DPY19L2: variants seen among roughly 807,000 people sequenced by gnomAD.
DPY19L2 encodes the protein dpy-19 like 2.
DPY19L2 carries 34 observed loss-of-function variants against 97.9 expected under a neutral mutation model. The ratio of observed to expected loss-of-function variants is 0.35; its 90% confidence interval spans 0.26 to 0.46. DPY19L2 has a LOEUF of 0.46. Among genes scored for constraint, DPY19L2 ranks in the 20% least tolerant of loss-of-function variants. The pLI, the probability that DPY19L2 is intolerant of heterozygous loss-of-function variation, is 1.00. For missense variants in DPY19L2, 623 were observed against 911.4 expected (o/e 0.68, Z 4.07); for synonymous variants, 230 against 307.9 (o/e 0.75, Z 2.65).
At position 63,566,816 on chromosome 12, in the gene DPY19L2, T is replaced by C. The variant is rs189710000; in HGVS notation, c.2126+2408A>G. On this transcript the variant is annotated intron_variant, in intron 21 of 21. Coordinates refer to ENST00000324472, the MANE Select transcript of DPY19L2 (RefSeq NM_173812.5). ...TCTGGGAAAAAATGCCCAATACAAT[T>C]GCTGGGTCTTAGGTTAGTTATATGT... Among the ~76,000 whole-genome samples the C allele has an allele frequency of 1.3e-3, 197 of 151,946 alleles. 2 individuals are homozygous for C. The highest frequency in any genetic ancestry group is 4.4e-3 in the African/African-American group (182 of 41,538).
At chr12:63,571,873 T>G (rs1454530692) in intron 19 of DPY19L2, among the ~76,000 whole-genome samples, 1 of 152,132 alleles carries the variant, frequency 6.6e-6, no homozygotes, top group East Asian at 1.9e-4. Context: ...TTGTGAAGGT[T>G]ACTATCATTT....
chr12:63,593,232 C>T (rs940195583), intron 16 of DPY19L2, among the ~76,000 whole-genome samples: 20 of 152,258 alleles, frequency 1.3e-4, no homozygotes, highest in Admixed American at 9.8e-4. Flanking sequence ...GTCAGTGTGG[C>T]GATTCCTCAA....
chr12:63,566,208 G>A lies in DPY19L2; in HGVS notation c.2126+3016C>T, dbSNP rs571324791. 4.6e-5 allele frequency among the ~76,000 whole-genome samples: 7 copies of A among 152,086 alleles called. No individual in the cohort carries two copies. The South Asian group carries it at 8.3e-4, about 18-fold the overall frequency. ...TACTGATATGGTTTGATATAGGCTT[G>A]CTATAGTGCTCTTTTGTTTTTTTAA... is the stretch of plus-strand genomic sequence containing the variant. On this transcript the variant is annotated intron_variant, in intron 21 of 21. Transcript: ENST00000324472.
intron 21 of DPY19L2, among the ~76,000 whole-genome samples, chr12:63,566,514 T>C (rs961207002): frequency 2.0e-5 from 3 of 151,910 alleles, no homozygotes; most frequent in African/African-American, 7.3e-5. Context: ...ATTTTGTCAT[T>C]TGAAGACAGT....
intron 6 of DPY19L2, among the ~76,000 whole-genome samples, chr12:63,633,759 GCA>G (rs1294471046): frequency 5.3e-5 from 8 of 152,140 alleles, no homozygotes; most frequent in African/African-American, 1.7e-4. Context: ...AAAGACACAT[GCA>G]CACGTATGTT....
rs1187129406 is a variant in DPY19L2 at position 63,559,410 on chromosome 12, C to A, written c.*1102G>T. On this transcript the variant is annotated 3_prime_UTR_variant, in exon 22 of 22. Coordinates refer to ENST00000324472, the MANE Select transcript of DPY19L2 (RefSeq NM_173812.5). ...GCACATTAAAATACTATAGATCTGG[C>A]ATATTTCATATTTATAAAGCAGACA... 8 of 152,356 alleles carry A rather than the reference C, an allele frequency of 5.3e-5. No individual in the cohort carries two copies. The highest frequency in any genetic ancestry group is 7.4e-5 in the Non-Finnish European group (5 of 68,006). 9.4% of individuals were successfully genotyped at this position (152,356 alleles called of 1,614,324 possible).
intron 5 of DPY19L2, among the ~76,000 whole-genome samples, chr12:63,645,653 C>T (rs1893315532): frequency 6.6e-6 from 1 of 152,138 alleles, no homozygotes; most frequent in African/African-American, 2.4e-5. Context: ...AGAAACCAAA[C>T]TATGTTTCAC....
rs117794297 is a variant in DPY19L2, at chr12:63,603,244, G to A, written c.1279-2858C>T. The stretch of plus-strand genomic sequence containing the variant: ...ACAAAATAAAGCAAAAAAAGTACAC[G>A]AAAGGAAATACACATGGGAAGAATA... On this transcript the variant is annotated intron_variant, in intron 12 of 21. Coordinates refer to ENST00000324472, the MANE Select transcript of DPY19L2 (RefSeq NM_173812.5). 6.2e-3 allele frequency among the ~76,000 whole-genome samples: 944 copies of A among 152,194 alleles called. 8 individuals carry two copies. Among genetic ancestry groups the A allele is most frequent in the Non-Finnish European group, 9.1e-3 (620 of 67,988 alleles).
chr12:63,595,229 CATT>C (rs1020931851), intron 15 of DPY19L2, among the ~76,000 whole-genome samples: 3 of 152,112 alleles, frequency 2.0e-5, no homozygotes, highest in African/African-American at 7.2e-5. Flanking sequence ...AGGGAAACTG[CATT>C]ATTATTATCT....
chr12:63,587,761 C>T (rs1882063563), intron 16 of DPY19L2, among the ~76,000 whole-genome samples: 1 of 151,842 alleles, frequency 6.6e-6, no homozygotes. Context: ...TTAGTGGAGA[C>T]AGGGTTTCAC....
intron 5 of DPY19L2, among the ~76,000 whole-genome samples, chr12:63,645,105 G>A (rs1478159064): frequency 6.8e-6 from 1 of 147,618 alleles, no homozygotes; most frequent in East Asian, 2.0e-4. Flanking sequence ...TGTGTGTGTG[G>A]CAATATGTAC....
intron 18 of DPY19L2, among the ~76,000 whole-genome samples, chr12:63,581,374 C>T (rs1880862235): frequency 1.3e-5 from 2 of 151,800 alleles, no homozygotes; most frequent in Admixed American, 6.6e-5. Context: ...CCCAGAATTT[C>T]TTATAGATTC....
chr12:63,646,377 G>A (rs1893411512), intron 5 of DPY19L2, among the ~76,000 whole-genome samples: 1 of 151,816 alleles, frequency 6.6e-6, no homozygotes, highest in African/African-American at 2.4e-5. Flanking sequence ...CCTTTACATT[G>A]TACACAAAAA....
intron 19 of DPY19L2, among the ~76,000 whole-genome samples, chr12:63,579,868 T>C (rs1316299426): frequency 6.6e-6 from 1 of 152,038 alleles, no homozygotes; most frequent in East Asian, 1.9e-4. Flanking sequence ...GGCTATCAAA[T>C]AAGAAATAAA....
Position 63,614,399 on chromosome 12 carries a change from T to C in DPY19L2, c.1218+2905A>G, listed in dbSNP as rs556556698. 2.6e-5 allele frequency among the ~76,000 whole-genome samples: 4 copies of C among 152,174 alleles called. No homozygotes were observed. The South Asian group carries it at 8.3e-4, about 32-fold the overall frequency. On this transcript the variant is annotated intron_variant, in intron 11 of 21. Coordinates refer to ENST00000324472, the MANE Select transcript of DPY19L2 (RefSeq NM_173812.5). ...TAAAGACTGGTGATAAATAAATGCA[T>C]ATTTCTTCACATAAAAACATGAAAT... is the stretch of plus-strand genomic sequence containing the variant.
At chr12:63,665,956 AAGAT>A in intron 1 of DPY19L2, 97 bp from the exon 2 acceptor site, 1 of 1,107,172 alleles carries the variant, frequency 9.0e-7, no homozygotes, top group Non-Finnish European at 1.3e-6. Flanking sequence ...CATGTCTAGA[AAGAT>A]AGCACACAAA....
Position 63,600,071 on chromosome 12 carries a change from G to A in DPY19L2, c.1359+235C>T, listed in dbSNP as rs1252902069. On this transcript the variant is annotated intron_variant, in intron 13 of 21. Coordinates refer to ENST00000324472, the MANE Select transcript of DPY19L2 (RefSeq NM_173812.5). ...CAAATAACTACTTAACAAACTATTA[G>A]TATTTTTTTACTAAAAGGGCAAGTC... Among the ~76,000 whole-genome samples the A allele has an allele frequency of 2.0e-5, 3 of 152,076 alleles. 1 individual carries two copies. The highest frequency in any genetic ancestry group is 7.2e-5 in the African/African-American group (3 of 41,488).
rs1420599441 is a variant in DPY19L2 at position 63,668,260 on chromosome 12, C to A, written c.134G>T (p.Gly45Val). The A allele has an allele frequency of 6.2e-7, 1 of 1,613,776 alleles. No individual in the cohort carries two copies. Among genetic ancestry groups the A allele is most frequent in the Non-Finnish European group, 8.5e-7 (1 of 1,179,884 alleles). The part of the protein sequence containing the change: ...EEMEKSALGG[G>V]KLPRGSWRSS... ...CCTCCAGGAGCCCCTTGGCAGTTTC[C>A]CGCCGCCTAGGGCCGACTTTTCCAT... The change falls in exon 1 of 22, where the codon GGG becomes GTG. Residue 45 changes from glycine to valine, a missense_variant. Coordinates refer to ENST00000324472, the MANE Select transcript of DPY19L2 (RefSeq NM_173812.5).
chr12:63,622,220 T>G (rs1234567868), intron 8 of DPY19L2, among the ~76,000 whole-genome samples: 1 of 152,156 alleles, frequency 6.6e-6, no homozygotes, highest in Non-Finnish European at 1.5e-5. Context: ...AATTAAGACA[T>G]TTTATTCCAT....
Sources: gnomAD v4.1 joint callset for allele counts (sites outside exome capture counted in the v4.1 genomes callset) on GRCh38, gnomAD v4.1.1 for gene constraint, MANE v1.5 for transcripts, NCBI Gene and HGNC (gene_info 2026-07-23, HGNC 2026-07-21) for gene names.